Variants in KIAA1328 observed in about 807,000 individuals in gnomAD.
KIAA1328 encodes the protein KIAA1328.
In KIAA1328, 52 loss-of-function variants were observed where a neutral mutation model predicts 68.1. The ratio of observed to expected loss-of-function variants is 0.76; its 90% CI spans 0.61 to 0.96. KIAA1328 has a LOEUF of 0.96. KIAA1328 is among the 40% of genes least tolerant of loss of function. The probability of loss-of-function intolerance (pLI) is 0.00; values close to 1 mark genes in which losing one functional copy is unlikely to be tolerated. For missense variants in KIAA1328, 641 were observed against 677.6 expected (o/e 0.95, Z 0.60); for synonymous variants, 232 against 239.4 (o/e 0.97, Z 0.28).
chr18:36,960,645 C>T (rs1568218784), intron 6 of KIAA1328, among the ~76,000 whole-genome samples: 1 of 152,170 alleles, frequency 6.6e-6, no homozygotes, highest in Non-Finnish European at 1.5e-5. Flanking sequence ...TGTTCTGCAG[C>T]CTCTGCTGGT....
intron 7 of KIAA1328, among the ~76,000 whole-genome samples, chr18:37,091,316 G>A (rs772781163): frequency 1.1e-4 from 17 of 152,154 alleles, no homozygotes; most frequent in Non-Finnish European, 2.2e-4. Flanking sequence ...AAAGCAACCA[G>A]TCTGGCCAGG....
chr18:36,960,247 G>T (rs750232780), intron 6 of KIAA1328, among the ~76,000 whole-genome samples: 1 of 152,214 alleles, frequency 6.6e-6, no homozygotes, highest in Admixed American at 6.5e-5. Flanking sequence ...GCTGCAGCCC[G>T]GCAGGGGGAG....
chr18:37,189,516 G>T (rs1462435744), intron 9 of KIAA1328, among the ~76,000 whole-genome samples: 1 of 152,140 alleles, frequency 6.6e-6, no homozygotes, highest in Non-Finnish European at 1.5e-5. Flanking sequence ...TAATTTCTAA[G>T]AAATATATTC....
chr18:37,214,171 A>C (rs569710732), intron 9 of KIAA1328, among the ~76,000 whole-genome samples: 1 of 152,244 alleles, frequency 6.6e-6, no homozygotes, highest in South Asian at 2.1e-4. Flanking sequence ...CCATTTGTCT[A>C]TTTTGGCTTT....
chr18:37,044,134 T>G (rs533046701), intron 6 of KIAA1328, among the ~76,000 whole-genome samples: 1 of 152,308 alleles, frequency 6.6e-6, no homozygotes, highest in African/African-American at 2.4e-5. Flanking sequence ...TAGCATTCAC[T>G]TTTTGAGGTT....
intron 8 of KIAA1328, among the ~76,000 whole-genome samples, chr18:37,169,553 G>A (rs1275580212): frequency 6.6e-6 from 1 of 151,812 alleles, no homozygotes; most frequent in African/African-American, 2.4e-5. Context: ...AAATATACAG[G>A]AATATAGAGT....
chr18:36,919,343 T>G (rs141117248), intron 5 of KIAA1328, among the ~76,000 whole-genome samples: 28 of 152,318 alleles, frequency 1.8e-4, no homozygotes, highest in African/African-American at 6.7e-4. Context: ...TATAGTTACA[T>G]CTTGCTGTAT....
intron 4 of KIAA1328, among the ~76,000 whole-genome samples, chr18:36,869,467 C>T (rs1310768925): frequency 6.6e-6 from 1 of 152,156 alleles, no homozygotes; most frequent in Non-Finnish European, 1.5e-5. Flanking sequence ...AGCTGAAAGG[C>T]TGTACATGTG....
chr18:37,173,020 A>G lies in KIAA1328; in HGVS notation c.1462A>G (p.Thr488Ala). 1 of 1,613,778 alleles carries G rather than the reference A, an allele frequency of 6.2e-7. No homozygotes were observed. Among genetic ancestry groups the G allele is most frequent in the Non-Finnish European group, 8.5e-7 (1 of 1,179,742 alleles). The change falls in exon 9 of 10, where the codon ACA becomes GCA. Residue 488 changes from threonine (T) to alanine (A), a missense_variant. Coordinates refer to ENST00000280020, the MANE Select transcript of KIAA1328 (RefSeq NM_020776.3). ...AGATGCGTCTACATCTCCTATGCCA[A>G]CAGGAAGCCTAAAGGATTTTGTCAC... is the stretch of plus-strand genomic sequence containing the variant. ...RKDASTSPMP[T>A]GSLKDFVTTA...
chr18:37,141,456 A>C (rs912737164), intron 7 of KIAA1328, among the ~76,000 whole-genome samples: 1 of 152,206 alleles, frequency 6.6e-6, no homozygotes, highest in Admixed American at 6.5e-5. Context: ...GAAGTAATTC[A>C]TTGTATAAGT....
intron 7 of KIAA1328, among the ~76,000 whole-genome samples, chr18:37,128,070 T>C (rs532953439): frequency 1.4e-4 from 22 of 152,306 alleles, no homozygotes; most frequent in African/African-American, 5.3e-4. Flanking sequence ...TATATTTAAC[T>C]CACACTTAAA....
intron 7 of KIAA1328, among the ~76,000 whole-genome samples, chr18:37,096,679 C>T (rs959915027): frequency 1.3e-5 from 2 of 152,220 alleles, no homozygotes; most frequent in African/African-American, 2.4e-5. Flanking sequence ...AACTAGTTTA[C>T]AGTCCCACCA....
intron 6 of KIAA1328, among the ~76,000 whole-genome samples, chr18:37,023,838 A>G (rs1008455166): frequency 6.6e-6 from 1 of 152,190 alleles, no homozygotes; most frequent in African/African-American, 2.4e-5. Context: ...CCAAGGGTAC[A>G]TATACAGTTT....
At chr18:36,850,752 A>C (rs969014479) in intron 4 of KIAA1328, among the ~76,000 whole-genome samples, 3 of 152,162 alleles carry the variant, frequency 2.0e-5, no homozygotes, top group Admixed American at 2.0e-4. Context: ...TATGCTGGCC[A>C]AAGGATGATT....
downstream of KIAA1328, among the ~76,000 whole-genome samples, chr18:37,226,511 A>G (rs1244049682): frequency 1.3e-5 from 2 of 152,046 alleles, no homozygotes; most frequent in Non-Finnish European, 2.9e-5. Flanking sequence ...TCTCTATACA[A>G]TTGCATATCT....
At chr18:37,085,797 C>A (rs1360229539) in intron 7 of KIAA1328, among the ~76,000 whole-genome samples, 1 of 151,994 alleles carries the variant, frequency 6.6e-6, no homozygotes, top group East Asian at 1.9e-4. Context: ...TTTCTTTCTC[C>A]CTTTTTCCCT....
intron 7 of KIAA1328, among the ~76,000 whole-genome samples, chr18:37,107,497 A>G (rs1258105368): frequency 6.6e-6 from 1 of 152,136 alleles, no homozygotes; most frequent in Non-Finnish European, 1.5e-5. Flanking sequence ...TGAGCATAGA[A>G]TGTTTTTCCA....
chr18:36,880,590 C>T (rs1394039648), intron 4 of KIAA1328, among the ~76,000 whole-genome samples: 5 of 152,090 alleles, frequency 3.3e-5, no homozygotes, highest in Non-Finnish European at 5.9e-5. Flanking sequence ...CTATGACGTC[C>T]AGTCAATAAT....
intron 7 of KIAA1328, among the ~76,000 whole-genome samples, chr18:37,079,338 G>A (rs1191664016): frequency 8.4e-6 from 1 of 118,740 alleles, no homozygotes; most frequent in Non-Finnish European, 1.7e-5. Flanking sequence ...TGTGGGGTGG[G>A]GGGAGAGGGG....
Sources: allele counts gnomAD v4.1 joint callset (sites outside exome capture counted in the v4.1 genomes callset), GRCh38; gene constraint gnomAD v4.1.1; transcripts MANE v1.5; gene names NCBI Gene and HGNC (gene_info 2026-07-23, HGNC 2026-07-21).